Variants in ABLIM2 observed in about 807,000 individuals in gnomAD.
The protein encoded by ABLIM2 is actin binding LIM protein family member 2, also known as actin-binding LIM protein 2.
In ABLIM2, 53 loss-of-function variants were observed where a neutral mutation model predicts 97.7. The ratio of observed to expected loss-of-function variants is 0.54; its 90% CI spans 0.44 to 0.68. ABLIM2 has a LOEUF of 0.68. Among genes scored for constraint, ABLIM2 ranks in the 30% least tolerant of loss-of-function variants. The probability of loss-of-function intolerance (pLI) is 0.00; values close to 1 mark genes in which losing one functional copy is unlikely to be tolerated. For synonymous variants in ABLIM2, 361 were observed against 345.8 expected (o/e 1.04, Z -0.49); for missense variants, 835 against 867.2 (o/e 0.96, Z 0.47).
chr4:7,998,525 G>A lies in ABLIM2; in HGVS notation c.1619-5598C>T, dbSNP rs961179983. On this transcript the variant is annotated intron_variant, in intron 16 of 20. Coordinates refer to ENST00000447017, the MANE Select transcript of ABLIM2 (RefSeq NM_001130083.2). The surrounding 1 kb of genome is among the most constrained non-coding windows in gnomAD (Gnocchi z 6.4). Reference sequence around the variant, plus strand: ...TGCCCTTCTTGGGGTGTCCTGTGTCGCTGGGTGGGGGTGGGAGATGCCTGC... The same window carrying A: ...TGCCCTTCTTGGGGTGTCCTGTGTCACTGGGTGGGGGTGGGAGATGCCTGC... 6.0e-5 allele frequency: 27 copies of A among 447,564 alleles called. No homozygotes were observed. The highest frequency in any genetic ancestry group is 3.5e-4 in the East Asian group (5 of 14,226). The allele number at this position is 447,564 out of a possible 1,614,324, so 27.7% of individuals were successfully genotyped here.
At chr4:8,133,503 T>C (rs535458249) in intron 1 of ABLIM2, among the ~76,000 whole-genome samples, 27 of 152,234 alleles carry the variant, frequency 1.8e-4, no homozygotes, top group African/African-American at 6.5e-4. Context: ...CCTCCACTCC[T>C]TGGCAAACTA....
rs546918069 is a variant in ABLIM2, at chr4:8,077,637, G to C, written c.666C>G (p.Arg222=). 3.1e-6 allele frequency: 5 copies of C among 1,610,408 alleles called. No homozygotes were observed. The South Asian group carries it at 4.4e-5, about 14-fold the overall frequency. The stretch of plus-strand genomic sequence containing the variant: ...GGCCCGCCGCGCTTACCTCCAGCAC[G>C]CGCCCCGTGATGTATTTCTCACAGC... ...CDSCEKYITG[R]VLEAGEKHYH... The change falls in exon 6 of 21, where the codon CGC becomes CGG. Residue 222 remains arginine, a synonymous_variant. Transcript: ENST00000447017.
intron 1 of ABLIM2, among the ~76,000 whole-genome samples, chr4:8,144,491 C>G (rs578161967): frequency 6.6e-6 from 1 of 151,720 alleles, no homozygotes. Flanking sequence ...CGCTGAGCTG[C>G]GAGAAGGCTT....
rs1368090253 is a variant in ABLIM2, at chr4:8,148,481, C to A, written c.10+10199G>T. The stretch of plus-strand genomic sequence containing the variant: ...CTGCAGCTGGCACGGTGCTTCTCAG[C>A]CGAATCACCTCGGGAGAGTTACCTA... On this transcript the variant is annotated intron_variant, in intron 1 of 20. Transcript: ENST00000447017. The surrounding 1 kb of genome is among the most constrained non-coding windows in gnomAD (Gnocchi z 6.7). 2.0e-5 allele frequency among the ~76,000 whole-genome samples: 3 copies of A among 152,272 alleles called. No individual in the cohort carries two copies. Among genetic ancestry groups the A allele is most frequent in the African/African-American group, 7.2e-5 (3 of 41,552 alleles).
chr4:8,066,595 C>T (rs1807939403), intron 6 of ABLIM2: 1 of 152,174 alleles, frequency 6.6e-6, no homozygotes, highest in African/African-American at 2.4e-5. Context: ...AAGCACTGAT[C>T]CTGCTACAAC....
rs1306215299 is a variant in ABLIM2 at position 8,058,776 on chromosome 4, C to A, written c.763+2191G>T. Among the ~76,000 whole-genome samples the A allele has an allele frequency of 6.6e-6, 1 of 152,200 alleles. No individual in the cohort carries two copies. The highest frequency in any genetic ancestry group is 1.5e-5 in the Non-Finnish European group (1 of 68,034). On this transcript the variant is annotated intron_variant, in intron 7 of 20. Coordinates refer to ENST00000447017, the MANE Select transcript of ABLIM2 (RefSeq NM_001130083.2). The surrounding 1 kb of genome is among the most constrained non-coding windows in gnomAD (Gnocchi z 4.2). ...CATCCAGTCTTAGGCCTGCCTGGCT[C>A]AGTTTCAGCGAGAATACTGCAAAAT...
Position 8,127,455 on chromosome 4 carries a change from G to T in ABLIM2, c.11-20818C>A, listed in dbSNP as rs73075969. The T allele has an allele frequency of 7.9e-7, 1 of 1,268,748 alleles. No homozygotes were observed. Among genetic ancestry groups the T allele is most frequent in the South Asian group, 1.2e-5 (1 of 80,158 alleles). The allele number at this position is 1,268,748 out of a possible 1,614,324, so 78.6% of individuals were successfully genotyped here. A position where few individuals can be genotyped will look rare whatever the true frequency, so the allele number is the denominator to read the frequency against. On this transcript the variant is annotated intron_variant, in intron 1 of 20. Coordinates refer to ENST00000447017, the MANE Select transcript of ABLIM2 (RefSeq NM_001130083.2). This position sits in a 1 kb window ranked among gnomAD's most constrained non-coding sequence, Gnocchi z 7.3. ...ACCAGACCCCTGAAGCTGATTCATG[G>T]AGCTCACAGCTCCCAGTCCCCTGAA...
At position 8,072,848 on chromosome 4, in the gene ABLIM2, C is replaced by T. The variant is rs1467356188; in HGVS notation, c.675+4780G>A. Among the ~76,000 whole-genome samples, 2 of 152,102 alleles carry T rather than the reference C, an allele frequency of 1.3e-5. No individual in the cohort carries two copies. Among genetic ancestry groups the T allele is most frequent in the Admixed American group, 6.5e-5 (1 of 15,282 alleles). On this transcript the variant is annotated intron_variant, in intron 6 of 20. Transcript: ENST00000447017. The surrounding 1 kb of genome is among the most constrained non-coding windows in gnomAD (Gnocchi z 5.8). ...TCAGGGACAGCACCTGAGTGGGGAA[C>T]GCAGGCCCTGCAAGGCCCCTGGGGA...
chr4:8,009,420 G>A (rs1046878344), intron 14 of ABLIM2, among the ~76,000 whole-genome samples: 7 of 151,990 alleles, frequency 4.6e-5, no homozygotes, highest in South Asian at 2.1e-4. Context: ...TTTTTGAGAT[G>A]GAGTCTCGCT....
At position 8,140,322 on chromosome 4, in the gene ABLIM2, G is replaced by A. The variant is rs10019612; in HGVS notation, c.10+18358C>T. On this transcript the variant is annotated intron_variant, in intron 1 of 20. Coordinates refer to ENST00000447017, the MANE Select transcript of ABLIM2 (RefSeq NM_001130083.2). This position sits in a 1 kb window ranked among gnomAD's most constrained non-coding sequence, Gnocchi z 5.9. Reference sequence around the variant, plus strand: ...CTCCCCATCTGGTGAAGGAAACAGAGAATGTGGTCAAACACACCACAGGGA... The same window carrying A: ...CTCCCCATCTGGTGAAGGAAACAGAAAATGTGGTCAAACACACCACAGGGA... Among the ~76,000 whole-genome samples, 39,089 of 152,092 alleles carry A rather than the reference G, an allele frequency of 0.26. 6,486 individuals carry two copies. Among genetic ancestry groups the A allele is most frequent in the African/African-American group, 0.48 (19,729 of 41,450 alleles).
At position 8,022,158 on chromosome 4, in the gene ABLIM2, G is replaced by A. The variant is rs188044701; in HGVS notation, c.1268-1855C>T. Among the ~76,000 whole-genome samples the A allele has an allele frequency of 3.3e-3, 498 of 152,354 alleles. 1 individual carries two copies. Among genetic ancestry groups the A allele is most frequent in the African/African-American group, 0.012 (480 of 41,580 alleles). ...GCACCCACACGAACTCTGAACAGAG[G>A]AAGACGGTTTGCTTCAGGCACCATC... On this transcript the variant is annotated intron_variant, in intron 12 of 20. Transcript: ENST00000447017. The surrounding 1 kb of genome is among the most constrained non-coding windows in gnomAD (Gnocchi z 7.8).
At chr4:8,063,036 C>A (rs1262542407) in intron 6 of ABLIM2, among the ~76,000 whole-genome samples, 1 of 152,194 alleles carries the variant, frequency 6.6e-6, no homozygotes, top group Non-Finnish European at 1.5e-5. Context: ...CATGGCACGT[C>A]CACATGTGAA....
chr4:8,111,596 C>G (rs1168987689), intron 1 of ABLIM2, among the ~76,000 whole-genome samples: 1 of 152,116 alleles, frequency 6.6e-6, no homozygotes, highest in African/African-American at 2.4e-5. Flanking sequence ...ATCTAGAAAC[C>G]AAGAGATGCT....
chr4:8,124,022 C>T lies in ABLIM2; in HGVS notation c.11-17385G>A, dbSNP rs765814263. Reference sequence around the variant, plus strand: ...ATCCCCTGCTTCCCTTTTACTGAGACGACCACTCTTAACAGCTCAGCGGCT... The same window carrying T: ...ATCCCCTGCTTCCCTTTTACTGAGATGACCACTCTTAACAGCTCAGCGGCT... On this transcript the variant is annotated intron_variant, in intron 1 of 20. Transcript: ENST00000447017. The surrounding 1 kb of genome is among the most constrained non-coding windows in gnomAD (Gnocchi z 6.1). Among the ~76,000 whole-genome samples, 16 of 152,318 alleles carry T rather than the reference C, an allele frequency of 1.1e-4. No individual in the cohort carries two copies. Among genetic ancestry groups the T allele is most frequent in the African/African-American group, 9.6e-5 (4 of 41,566 alleles).
chr4:8,080,789 G>A lies in ABLIM2; in HGVS notation c.468C>T (p.Cys156=), dbSNP rs375681056. The part of the protein sequence containing the change: ...LSQGLRSCGG[C]GTEIKNGQAL... ...CCTGGCCATTCTTGATTTCTGTGCC[G>A]CAGCCCCCACAACCTGGAAGAAAGA... Residue 156 remains cysteine (C), a synonymous_variant, in exon 5 of 21, where the codon TGC becomes TGT. Transcript: ENST00000447017. The A allele has an allele frequency of 1.1e-5, 18 of 1,606,434 alleles. No individual in the cohort carries two copies. The highest frequency in any genetic ancestry group is 4.5e-5 in the East Asian group (2 of 44,690).
intron 10 of ABLIM2, among the ~76,000 whole-genome samples, chr4:8,031,467 C>CAGGGATAGG (rs1780868568): frequency 6.6e-6 from 1 of 152,240 alleles, no homozygotes; most frequent in Non-Finnish European, 1.5e-5. Context: ...ATAGGAATCA[C>CAGGGATAGG]TGCTCTAGGG....
rs1359497410 is a variant in ABLIM2, at chr4:8,090,546, CCA to C, written c.339-2264_339-2263del. On this transcript the variant is annotated intron_variant, in intron 3 of 20. Transcript: ENST00000447017. The stretch of plus-strand genomic sequence containing the variant: ...GTACACACCCATATAACTGCCACCA[CCA>C]CAGTCATGATATGGAACATTCTTTC... Among the ~76,000 whole-genome samples the C allele has an allele frequency of 2.6e-5, 4 of 152,210 alleles. No individual in the cohort carries two copies. The East Asian group carries it at 7.7e-4, about 29-fold the overall frequency.
intron 1 of ABLIM2, among the ~76,000 whole-genome samples, chr4:8,108,055 C>A (rs1056413988): frequency 2.0e-5 from 3 of 152,214 alleles, no homozygotes; most frequent in Non-Finnish European, 4.4e-5. Context: ...TTTAGCCCAG[C>A]AAGACCTGGT....
At chr4:8,101,690 A>G (rs967748853) in intron 2 of ABLIM2, among the ~76,000 whole-genome samples, 8 of 151,892 alleles carry the variant, frequency 5.3e-5, no homozygotes, top group African/African-American at 1.9e-4. Context: ...TTCCAATAGG[A>G]CCAGAAAATG....
Sources: allele counts gnomAD v4.1 joint callset (sites outside exome capture counted in the v4.1 genomes callset), GRCh38; gene constraint gnomAD v4.1.1; non-coding constraint Gnocchi (gnomAD v3.1); transcripts MANE v1.5; gene names NCBI Gene and HGNC (gene_info 2026-07-23, HGNC 2026-07-21).